Variants in NLGN1 observed in about 807,000 individuals in gnomAD.
The protein encoded by NLGN1 is neuroligin-1.
NLGN1 carries 12 observed loss-of-function variants against 65.5 expected under a neutral mutation model. The ratio of observed to expected loss-of-function variants is 0.18; its 90% CI spans 0.12 to 0.30. The LOEUF (loss-of-function observed/expected upper bound fraction) is 0.30. Among genes scored for constraint, NLGN1 ranks in the 10% least tolerant of loss-of-function variants. The pLI, the probability that NLGN1 is intolerant of heterozygous loss-of-function variation, is 1.00. For missense variants in NLGN1, 750 were observed against 1,007.1 expected, an observed-to-expected ratio of 0.74 and a Z score of 3.46; for synonymous variants, 350 against 359.5, an observed-to-expected ratio of 0.97 and a Z score of 0.30.
chr3:173,461,508 C>T (rs17318925), intron 2 of NLGN1, among the ~76,000 whole-genome samples: 25,253 of 151,878 alleles, frequency 0.17, 2,165 homozygotes, highest in Middle Eastern at 0.26. Context: ...CTTACTCAAC[C>T]TCACTCTATT....
chr3:174,086,064 G>A (rs184594211), intron 4 of NLGN1, among the ~76,000 whole-genome samples: 13 of 151,770 alleles, frequency 8.6e-5, no homozygotes, highest in East Asian at 3.9e-4. Context: ...GTACAAAAAC[G>A]TATATATGAA....
intron 4 of NLGN1, among the ~76,000 whole-genome samples, chr3:173,864,237 A>T (rs573634264): frequency 1.4e-4 from 22 of 152,308 alleles, no homozygotes; most frequent in Non-Finnish European, 2.2e-4. Flanking sequence ...TAGAAATGAG[A>T]TATAAGTAAC....
intron 4 of NLGN1, among the ~76,000 whole-genome samples, chr3:174,035,071 C>T (rs1274444311): frequency 5.9e-5 from 9 of 152,124 alleles, no homozygotes. Context: ...AAGGATATTA[C>T]ATAAAAAGCA....
intron 4 of NLGN1, among the ~76,000 whole-genome samples, chr3:173,955,928 C>T (rs948491860): frequency 1.3e-5 from 2 of 151,858 alleles, no homozygotes; most frequent in African/African-American, 4.8e-5. Flanking sequence ...TCCGAATACA[C>T]AAGAATACAT....
chr3:173,915,359 C>A (rs1272370015), intron 4 of NLGN1, among the ~76,000 whole-genome samples: 1 of 152,204 alleles, frequency 6.6e-6, no homozygotes, highest in Admixed American at 6.5e-5. Flanking sequence ...TCAAATGGAG[C>A]TGTCTACAAG....
chr3:173,994,857 C>T (rs555531205), intron 4 of NLGN1, among the ~76,000 whole-genome samples: 7 of 152,184 alleles, frequency 4.6e-5, no homozygotes, highest in South Asian at 2.1e-4. Context: ...ACACCAACAG[C>T]GTTCTAGAAG....
chr3:173,665,811 T>C (rs1213942031), intron 3 of NLGN1, among the ~76,000 whole-genome samples: 1 of 152,200 alleles, frequency 6.6e-6, no homozygotes, highest in African/African-American at 2.4e-5. Flanking sequence ...AAAATAGTAG[T>C]GACCAAATTC....
At chr3:173,422,629 G>A (rs1441169272) in intron 1 of NLGN1, among the ~76,000 whole-genome samples, 1 of 151,940 alleles carries the variant, frequency 6.6e-6, no homozygotes, top group Non-Finnish European at 1.5e-5. Context: ...GCCAGCATCT[G>A]TTATTTTTTT....
At chr3:173,623,124 A>G (rs952564196) in intron 3 of NLGN1, among the ~76,000 whole-genome samples, 1 of 152,060 alleles carries the variant, frequency 6.6e-6, no homozygotes, top group Non-Finnish European at 1.5e-5. Context: ...AACATATAGT[A>G]TTTAGACCCA....
At chr3:173,876,007 A>G (rs1398991376) in intron 4 of NLGN1, among the ~76,000 whole-genome samples, 4 of 152,144 alleles carry the variant, frequency 2.6e-5, no homozygotes, top group Non-Finnish European at 5.9e-5. Flanking sequence ...TCAAAAAAAA[A>G]TCCCTGAGAA....
intron 4 of NLGN1, among the ~76,000 whole-genome samples, chr3:174,244,062 T>G (rs1336306393): frequency 6.6e-6 from 1 of 152,234 alleles, no homozygotes; most frequent in Non-Finnish European, 1.5e-5. Flanking sequence ...AATACATAAT[T>G]CATAACTGAC....
downstream of NLGN1, among the ~76,000 whole-genome samples, chr3:174,290,375 G>T (rs541857324): frequency 6.6e-6 from 1 of 150,948 alleles, no homozygotes; most frequent in African/African-American, 2.4e-5. Context: ...AGAGAAAAGA[G>T]AGATGCCTCA....
chr3:173,414,676 A>G (rs577997), intron 1 of NLGN1, among the ~76,000 whole-genome samples: 31,592 of 152,022 alleles, frequency 0.21, 3,457 homozygotes, highest in Middle Eastern at 0.29. Flanking sequence ...TGTGTTTAAT[A>G]GTAAAACCCT....
intron 4 of NLGN1, among the ~76,000 whole-genome samples, chr3:173,993,497 ATGTTAAGAATGATG>A (rs1721569576): frequency 6.6e-6 from 1 of 152,206 alleles, no homozygotes; most frequent in African/African-American, 2.4e-5. Flanking sequence ...GTTAGGTCAG[ATGTTAAGAATGATG>A]TGTGTGTTTC....
chr3:173,957,038 A>T (rs1373245276), intron 4 of NLGN1, among the ~76,000 whole-genome samples: 2 of 152,182 alleles, frequency 1.3e-5, no homozygotes, highest in Non-Finnish European at 2.9e-5. Flanking sequence ...GCTATCAATA[A>T]CAAAAATAGA....
At chr3:174,197,339 G>A (rs1733605908) in intron 4 of NLGN1, among the ~76,000 whole-genome samples, 1 of 151,480 alleles carries the variant, frequency 6.6e-6, no homozygotes, top group Non-Finnish European at 1.5e-5. Context: ...AAACTAACAG[G>A]AACCAAGCCG....
At chr3:173,447,608 T>C (rs1720627576) in intron 2 of NLGN1, among the ~76,000 whole-genome samples, 1 of 152,182 alleles carries the variant, frequency 6.6e-6, no homozygotes, top group Non-Finnish European at 1.5e-5. Context: ...AAGTCATTGG[T>C]AGCTTGATGG....
chr3:174,233,961 T>C (rs1166899567), intron 4 of NLGN1, among the ~76,000 whole-genome samples: 2 of 152,204 alleles, frequency 1.3e-5, no homozygotes, highest in African/African-American at 4.8e-5. Flanking sequence ...GACATACAGT[T>C]TCTTTTTCTT....
chr3:173,943,940 C>T (rs2152314323), intron 4 of NLGN1, among the ~76,000 whole-genome samples: 1 of 152,142 alleles, frequency 6.6e-6, no homozygotes, highest in East Asian at 1.9e-4. Flanking sequence ...TCATTAGTAA[C>T]AAATATGTTT....
Sources: gnomAD v4.1 joint callset for allele counts (sites outside exome capture counted in the v4.1 genomes callset) on GRCh38, gnomAD v4.1.1 for gene constraint, MANE v1.5 for transcripts, NCBI Gene and HGNC (gene_info 2026-07-23, HGNC 2026-07-21) for gene names.